The following ROBO1 variants were observed in gnomAD, a reference collection of about 807,000 sequenced individuals.
ROBO1 encodes roundabout homolog 1.
A neutral mutation model predicts 195.9 loss-of-function variants in ROBO1; 149 were observed. That is an observed-to-expected ratio of 0.76 (90% CI 0.67 to 0.87). The LOEUF (loss-of-function observed/expected upper bound fraction) is 0.87. Ranked by LOEUF, ROBO1 falls within the 40% of genes least tolerant of loss-of-function variation. The pLI is 0.00. For missense variants in ROBO1, 1,933 were observed against 2,068.3 expected, an observed-to-expected ratio of 0.93 and a Z score of 1.27; for synonymous variants, 816 against 733.2, an observed-to-expected ratio of 1.11 and a Z score of -1.82.
intron 2 of ROBO1, among the ~76,000 whole-genome samples, chr3:79,412,829 A>G (rs1303209723): frequency 7.3e-6 from 1 of 137,202 alleles, no homozygotes; most frequent in Non-Finnish European, 1.5e-5. Flanking sequence ...GGTATATTCC[A>G]TCTCTCCTGT....
chr3:79,692,562 A>G (rs1434607076), intron 1 of ROBO1, among the ~76,000 whole-genome samples: 13 of 151,858 alleles, frequency 8.6e-5, no homozygotes, highest in Non-Finnish European at 1.9e-4. Context: ...TCCAAAAGAA[A>G]GACACAGGAA....
chr3:79,654,600 T>C (rs751106450), intron 1 of ROBO1, among the ~76,000 whole-genome samples: 11 of 152,024 alleles, frequency 7.2e-5, no homozygotes, highest in Non-Finnish European at 1.5e-4. Context: ...GTTCTGTCTA[T>C]TCATCTTTCT....
chr3:79,522,158 A>G (rs1179737009), intron 2 of ROBO1, among the ~76,000 whole-genome samples: 2 of 152,118 alleles, frequency 1.3e-5, no homozygotes, highest in African/African-American at 4.8e-5. Flanking sequence ...TTTTGGTATA[A>G]TAAATTCTGT....
At chr3:79,219,445 C>T (rs1221782743) in intron 2 of ROBO1, among the ~76,000 whole-genome samples, 1 of 151,958 alleles carries the variant, frequency 6.6e-6, no homozygotes, top group Non-Finnish European at 1.5e-5. Flanking sequence ...TATCTCCTGT[C>T]CCATTGTGTA....
chr3:79,631,115 C>A (rs1461768477), intron 1 of ROBO1, among the ~76,000 whole-genome samples: 1 of 151,672 alleles, frequency 6.6e-6, no homozygotes, highest in African/African-American at 2.4e-5. Context: ...ATCAAATTAC[C>A]AACAAGAGTT....
chr3:79,027,442 C>T (rs527890435), intron 3 of ROBO1, among the ~76,000 whole-genome samples: 6 of 151,950 alleles, frequency 3.9e-5, no homozygotes, highest in Admixed American at 2.0e-4. Context: ...TATGGGAAAG[C>T]CTCACATTTG....
chr3:79,657,476 A>G (rs905911345), intron 1 of ROBO1, among the ~76,000 whole-genome samples: 1 of 152,048 alleles, frequency 6.6e-6, no homozygotes, highest in Admixed American at 6.6e-5. Flanking sequence ...CAAATTGGAG[A>G]AAAAAGGAGA....
intron 29 of ROBO1, among the ~76,000 whole-genome samples, chr3:78,600,761 G>C (rs1460937868): frequency 6.6e-6 from 1 of 152,108 alleles, no homozygotes; most frequent in Admixed American, 6.6e-5. Context: ...CAGTTTCTTA[G>C]TGTTGATATG....
At chr3:79,242,773 G>A (rs1044052717) in intron 2 of ROBO1, among the ~76,000 whole-genome samples, 13 of 152,048 alleles carry the variant, frequency 8.5e-5, no homozygotes, top group African/African-American at 2.4e-4. Context: ...TAATAGAGAC[G>A]GTAATAGCTA....
chr3:79,574,369 C>G (rs958151189), intron 2 of ROBO1, among the ~76,000 whole-genome samples: 3 of 151,814 alleles, frequency 2.0e-5, no homozygotes, highest in Admixed American at 2.0e-4. Flanking sequence ...AGCTTTTATT[C>G]CAATTTAATG....
chr3:78,943,334 G>T (rs2040244966), intron 3 of ROBO1, among the ~76,000 whole-genome samples: 1 of 152,310 alleles, frequency 6.6e-6, no homozygotes, highest in Middle Eastern at 3.4e-3. Context: ...CCACTAAAGT[G>T]CAGTGTTGCT....
intron 2 of ROBO1, among the ~76,000 whole-genome samples, chr3:79,482,639 G>A (rs1295471841): frequency 6.6e-6 from 1 of 152,104 alleles, no homozygotes. Flanking sequence ...ATACAGGAAT[G>A]CATATAAATA....
At chr3:79,738,841 C>T (rs574350769) in intron 1 of ROBO1, among the ~76,000 whole-genome samples, 33 of 152,164 alleles carry the variant, frequency 2.2e-4, no homozygotes, top group African/African-American at 7.0e-4. Context: ...TTCCCGTGCA[C>T]GAGTTACTCC....
intron 4 of ROBO1, among the ~76,000 whole-genome samples, chr3:78,844,760 G>C (rs1031877794): frequency 2.6e-5 from 4 of 152,016 alleles, no homozygotes; most frequent in Admixed American, 2.6e-4. Context: ...TTTCAAGAAA[G>C]TATACATTCT....
intron 1 of ROBO1, among the ~76,000 whole-genome samples, chr3:79,741,715 G>T (rs1703657752): frequency 6.6e-6 from 1 of 152,146 alleles, no homozygotes; most frequent in Non-Finnish European, 1.5e-5. Context: ...CTCAGAAAAA[G>T]ACATGAAGAT....
At chr3:79,651,312 T>G (rs1353997575) in intron 1 of ROBO1, among the ~76,000 whole-genome samples, 1 of 152,110 alleles carries the variant, frequency 6.6e-6, no homozygotes. Context: ...GTATGCAAAA[T>G]GTTACATTTA....
chr3:79,597,665 T>A (rs1271312002), intron 1 of ROBO1, among the ~76,000 whole-genome samples: 1 of 152,078 alleles, frequency 6.6e-6, no homozygotes. Context: ...ACTGAAAGCA[T>A]CAGTACTAAC....
chr3:78,614,799 G>A lies in ROBO1; in HGVS notation c.4284C>T (p.Gly1428=), dbSNP rs4443127. 0.048 allele frequency: 75,811 copies of A among 1,580,612 alleles called. 2,181 individuals carry two copies. The highest frequency in any genetic ancestry group is 0.073 in the Middle Eastern group (430 of 5,910). The stretch of plus-strand genomic sequence containing the variant: ...ACTGAGACGCATGAAAATGTCGACG[G>A]CCTAAGGAGAAAAAAAAAAAAAATC... The part of the protein sequence containing the change: ...VARRQMQDAA[G]RRHFHASQCP... Residue 1428 remains glycine, a splice_region_variant and synonymous_variant, in exon 28 of 31, where the codon GGC becomes GGT. Coordinates refer to ENST00000464233, the MANE Select transcript of ROBO1 (RefSeq NM_002941.4).
In ROBO1 at chr3:79,191,064, A is replaced by G. The variant is rs11925656; in HGVS notation, c.89-65525T>C. Among the ~76,000 whole-genome samples the G allele has an allele frequency of 3.5e-3, 531 of 151,748 alleles. 3 individuals are homozygous for G. Among genetic ancestry groups the G allele is most frequent in the African/African-American group, 0.012 (497 of 41,498 alleles). ...AGGAAACTCGTATTTGCTGATAATA[A>G]TTTTAAAATATGTAGAAAATATTAA... On this transcript the variant is annotated intron_variant, in intron 2 of 30. Transcript: ENST00000464233.
Sources: allele counts gnomAD v4.1 joint callset (sites outside exome capture counted in the v4.1 genomes callset), GRCh38; gene constraint gnomAD v4.1.1; transcripts MANE v1.5; gene names NCBI Gene and HGNC (gene_info 2026-07-23, HGNC 2026-07-21).